SLC35F3: variants seen among roughly 807,000 people sequenced by gnomAD.
SLC35F3 encodes solute carrier family 35 member F3.
SLC35F3 carries 25 observed loss-of-function variants against 49.9 expected under a neutral mutation model. The observed-to-expected ratio is 0.50, with a 90% CI of 0.37 to 0.70. SLC35F3 has a LOEUF of 0.70. SLC35F3 is among the 30% of genes least tolerant of loss of function. The pLI, the probability that SLC35F3 is intolerant of heterozygous loss-of-function variation, is 0.00. For synonymous variants in SLC35F3, 275 were observed against 265.4 expected, an observed-to-expected ratio of 1.04 and a Z score of -0.35; for missense variants, 525 against 639.8, an observed-to-expected ratio of 0.82 and a Z score of 1.94.
chr1:234,203,773 G>A (rs1666933184), intron 2 of SLC35F3, among the ~76,000 whole-genome samples: 2 of 151,782 alleles, frequency 1.3e-5, no homozygotes, highest in South Asian at 4.2e-4. Context: ...AAGCAGACAA[G>A]CTTCTCTGTC....
chr1:234,267,644 C>G (rs573621031), intron 3 of SLC35F3, among the ~76,000 whole-genome samples: 1 of 151,416 alleles, frequency 6.6e-6, no homozygotes, highest in African/African-American at 2.4e-5. Flanking sequence ...CTGACCCCCC[C>G]ACCTCCCTCC....
intron 2 of SLC35F3, among the ~76,000 whole-genome samples, chr1:233,990,049 C>G (rs1223770633): frequency 6.6e-6 from 1 of 151,872 alleles, no homozygotes; most frequent in Non-Finnish European, 1.5e-5. Context: ...AACTAGCAAA[C>G]CAAGGTTTTA....
At chr1:233,913,411 C>T (rs1661915379) in intron 2 of SLC35F3, among the ~76,000 whole-genome samples, 1 of 152,154 alleles carries the variant, frequency 6.6e-6, no homozygotes, top group Non-Finnish European at 1.5e-5. Flanking sequence ...AGGAGGTGCT[C>T]TTGCATCTCC....
At chr1:234,232,333 G>C (rs1296930117) in intron 3 of SLC35F3, among the ~76,000 whole-genome samples, 3 of 151,770 alleles carry the variant, frequency 2.0e-5, no homozygotes, top group Admixed American at 6.6e-5. Context: ...CTTTCAAAAA[G>C]AGGCCAGAAA....
chr1:234,211,499 AC>A (rs570666949), intron 2 of SLC35F3, among the ~76,000 whole-genome samples: 12 of 151,494 alleles, frequency 7.9e-5, no homozygotes, highest in African/African-American at 2.2e-4. Flanking sequence ...GAACATGGGA[AC>A]CCCCCCCTTA....
chr1:234,062,844 A>ATTTTTTTTTT, intron 2 of SLC35F3, among the ~76,000 whole-genome samples: 1 of 132,506 alleles, frequency 7.5e-6, no homozygotes, highest in South Asian at 2.5e-4. Flanking sequence ...CGCCTGGCTA[A>ATTTTTTTTTT]TTTTTTTTTT....
In SLC35F3 at chr1:234,024,094, A is replaced by G. The variant is rs935895465; in HGVS notation, c.283+118336A>G. On this transcript the variant is annotated intron_variant, in intron 2 of 7. Coordinates refer to ENST00000366618, the MANE Select transcript of SLC35F3 (RefSeq NM_173508.4). ...TTGATTCACCACTTGTGACAAATGC[A>G]TGCATCAAAGTAATGTAAGATCTTC... 2.0e-5 allele frequency among the ~76,000 whole-genome samples: 3 copies of G among 152,196 alleles called. 1 individual carries two copies. The highest frequency in any genetic ancestry group is 4.4e-5 in the Non-Finnish European group (3 of 68,028).
At chr1:234,305,840 A>T (rs1354793588) in intron 3 of SLC35F3, among the ~76,000 whole-genome samples, 1 of 152,234 alleles carries the variant, frequency 6.6e-6, no homozygotes, top group Non-Finnish European at 1.5e-5. Context: ...CACAAGCAGG[A>T]TCAGAAGTAA....
chr1:234,320,905 C>G lies in SLC35F3; in HGVS notation c.1237+718C>G, dbSNP rs1657603226. Among the ~76,000 whole-genome samples the G allele has an allele frequency of 6.6e-6, 1 of 152,110 alleles. No homozygotes were observed. Among genetic ancestry groups the G allele is most frequent in the South Asian group, 2.1e-4 (1 of 4,824 alleles). Reference sequence around the variant, plus strand: ...CCTCCTGGCCTCATACCTGACCTCCCTAGGCATCCTTCTCTCAGCCAGAAA... The same window carrying G: ...CCTCCTGGCCTCATACCTGACCTCCGTAGGCATCCTTCTCTCAGCCAGAAA... On this transcript the variant is annotated intron_variant, in intron 7 of 7. Coordinates refer to ENST00000366618, the MANE Select transcript of SLC35F3 (RefSeq NM_173508.4). This position sits in a 1 kb window ranked among gnomAD's most constrained non-coding sequence, Gnocchi z 4.8.
At position 233,904,714 on chromosome 1, in the gene SLC35F3, C is replaced by A. The variant is rs1262445993; in HGVS notation, c.-364C>A. On this transcript the variant is annotated 5_prime_UTR_variant, in exon 1 of 8. Transcript: ENST00000366618. ...CCCGCCCGACCAGGTGCCTCGAGAGCGCACAGCTGGGAGGGCTCTCCCGGT... is the reference window on the plus strand; with the variant it reads ...CCCGCCCGACCAGGTGCCTCGAGAGAGCACAGCTGGGAGGGCTCTCCCGGT... Among the ~76,000 whole-genome samples, 1 of 151,858 alleles carries A rather than the reference C, an allele frequency of 6.6e-6. No homozygotes were observed. The highest frequency in any genetic ancestry group is 2.1e-4 in the South Asian group (1 of 4,838).
intron 2 of SLC35F3, among the ~76,000 whole-genome samples, chr1:234,064,667 G>A (rs1310087536): frequency 9.2e-5 from 14 of 152,176 alleles, no homozygotes; most frequent in Admixed American, 9.2e-4. Context: ...GGATTTTAAT[G>A]TGTGCTATTA....
chr1:234,049,143 T>C (rs1031525605), intron 2 of SLC35F3, among the ~76,000 whole-genome samples: 1 of 152,136 alleles, frequency 6.6e-6, no homozygotes, highest in Non-Finnish European at 1.5e-5. Flanking sequence ...TGGGATGAAA[T>C]GAAGGAATTT....
intron 2 of SLC35F3, among the ~76,000 whole-genome samples, chr1:233,973,939 A>T (rs1663034213): frequency 6.6e-6 from 1 of 152,270 alleles, no homozygotes; most frequent in South Asian, 2.1e-4. Context: ...TAGACAATTG[A>T]TTCTGAAGAA....
chr1:233,922,907 C>T (rs1181698779), intron 2 of SLC35F3, among the ~76,000 whole-genome samples: 4 of 152,280 alleles, frequency 2.6e-5, no homozygotes, highest in East Asian at 1.9e-4. Flanking sequence ...AATCGGGAAT[C>T]GTTTCCCCAT....
At position 234,117,946 on chromosome 1, in the gene SLC35F3, GTGTGTGTGTGTGTGTGTGTA is replaced by G. The variant is rs1173606713; in HGVS notation, c.284-113469_284-113450del. 3.2e-4 allele frequency among the ~76,000 whole-genome samples: 15 copies of G among 47,182 alleles called. 3 individuals carry two copies. Among genetic ancestry groups the G allele is most frequent in the Non-Finnish European group, 6.8e-4 (13 of 19,172 alleles). The allele number at this position is 47,182 out of a possible 152,430, so 31.0% of individuals were successfully genotyped here. On this transcript the variant is annotated intron_variant, in intron 2 of 7. Transcript: ENST00000366618. Reference sequence around the variant, plus strand: ...TGTGTGTGTGTGTGTGTGTGTGTGTGTGTGTGTGTGTGTGTGTGTATATATATATAAAACCACAAGAAACT... The same window carrying G: ...TGTGTGTGTGTGTGTGTGTGTGTGTGTATATATATAAAACCACAAGAAACT...
At chr1:233,976,585 G>A (rs928200491) in intron 2 of SLC35F3, among the ~76,000 whole-genome samples, 7 of 152,170 alleles carry the variant, frequency 4.6e-5, no homozygotes, top group Middle Eastern at 3.4e-3. Context: ...GTAATGTTGT[G>A]CATAATTTCA....
intron 2 of SLC35F3, among the ~76,000 whole-genome samples, chr1:233,945,765 C>T (rs1030663129): frequency 1.3e-5 from 2 of 152,214 alleles, no homozygotes; most frequent in African/African-American, 2.4e-5. Context: ...CCTGCACAGG[C>T]TCTCTGGCCT....
At position 234,324,297 on chromosome 1, in the gene SLC35F3, TAG is replaced by T. The variant is rs753337893; in HGVS notation, c.*1057_*1058del. The T allele has an allele frequency of 1.3e-5, 2 of 152,228 alleles. No individual in the cohort carries two copies. Among genetic ancestry groups the T allele is most frequent in the Non-Finnish European group, 2.9e-5 (2 of 68,044 alleles). The allele number at this position is 152,228 out of a possible 1,614,324, so 9.4% of individuals were successfully genotyped here. On this transcript the variant is annotated 3_prime_UTR_variant, in exon 8 of 8. Coordinates refer to ENST00000366618, the MANE Select transcript of SLC35F3 (RefSeq NM_173508.4). ...TAGATCTGTAAAGAGGGTCAGGGGT[TAG>T]AGTTTACTATTTTTGAAGTTTACAT...
At chr1:234,260,770 C>T (rs983751027) in intron 3 of SLC35F3, among the ~76,000 whole-genome samples, 12 of 152,064 alleles carry the variant, frequency 7.9e-5, no homozygotes, top group Admixed American at 3.3e-4. Flanking sequence ...CACATGGCAC[C>T]GGGAGAAACT....
Sources: allele counts gnomAD v4.1 joint callset (sites outside exome capture counted in the v4.1 genomes callset), GRCh38; gene constraint gnomAD v4.1.1; non-coding constraint Gnocchi (gnomAD v3.1); transcripts MANE v1.5; gene names NCBI Gene and HGNC (gene_info 2026-07-23, HGNC 2026-07-21).